The following DHRS7B variants were observed in gnomAD, a reference collection of about 807,000 sequenced individuals.
DHRS7B encodes dehydrogenase/reductase 7B, also known as peroxisomal reductase activating PPAR-gamma.
In DHRS7B, 24 loss-of-function variants were observed where a neutral mutation model predicts 26.4. The ratio of observed to expected loss-of-function variants is 0.91; its 90% CI spans 0.66 to 1.28. The LOEUF (loss-of-function observed/expected upper bound fraction) is 1.28. Ranked by LOEUF, DHRS7B falls within the 50% of genes most tolerant of loss-of-function variation. The pLI, the probability that DHRS7B is intolerant of heterozygous loss-of-function variation, is 0.00. For missense variants in DHRS7B, 368 were observed against 419.4 expected, an observed-to-expected ratio of 0.88 and a Z score of 1.07; for synonymous variants, 142 against 166.4, an observed-to-expected ratio of 0.85 and a Z score of 1.13.
chr17:21,162,153 T>G (rs1264181066), intron 1 of DHRS7B, among the ~76,000 whole-genome samples: 1 of 151,950 alleles, frequency 6.6e-6, no homozygotes, highest in Non-Finnish European at 1.5e-5. Context: ...GACAGGAATT[T>G]GTTAGAATTC....
chr17:21,149,689 T>C (rs996769231), intron 1 of DHRS7B, among the ~76,000 whole-genome samples: 1 of 152,136 alleles, frequency 6.6e-6, no homozygotes, highest in Non-Finnish European at 1.5e-5. Context: ...TTAAGATAAG[T>C]TGTCATCTCT....
Position 21,132,348 on chromosome 17 carries a change from A to AAATATAT in DHRS7B, c.20+5358_20+5359insATATATA, listed in dbSNP as rs1491147235. Among the ~76,000 whole-genome samples, 865 of 124,974 alleles carry AAATATAT rather than the reference A, an allele frequency of 6.9e-3. 12 individuals carry two copies. Among genetic ancestry groups the AAATATAT allele is most frequent in the African/African-American group, 0.024 (807 of 34,246 alleles). The allele number at this position is 124,974 out of a possible 152,430, so 82.0% of individuals were successfully genotyped here. On this transcript the variant is annotated intron_variant, in intron 1 of 6. Transcript: ENST00000395511. The stretch of plus-strand genomic sequence containing the variant: ...AGACCCCATCTCTTAAAAAAAAAAA[A>AAATATAT]ATATATATATATATAGATAGATAGA...
At chr17:21,148,931 T>A (rs143161657) in intron 1 of DHRS7B, among the ~76,000 whole-genome samples, 2 of 152,222 alleles carry the variant, frequency 1.3e-5, no homozygotes, top group East Asian at 3.9e-4. Context: ...CAGAAAACTT[T>A]ACACAACTTA....
chr17:21,136,114 C>T (rs1973334338), intron 1 of DHRS7B, among the ~76,000 whole-genome samples: 1 of 152,044 alleles, frequency 6.6e-6, no homozygotes, highest in Admixed American at 6.6e-5. Context: ...GCCTGGCCAA[C>T]ATGGTGAAAC....
At position 21,181,981 on chromosome 17, in the gene DHRS7B, C is replaced by T. The variant is rs893019813; in HGVS notation, c.310-1613C>T. On this transcript the variant is annotated intron_variant, in intron 3 of 6. Coordinates refer to ENST00000395511, the MANE Select transcript of DHRS7B (RefSeq NM_015510.5). Reference sequence around the variant, plus strand: ...CACTTCCAGTACAATGTTGAGTAGCCGTTGTGAAAGCAGGCGTCCTTGTCT... The same window carrying T: ...CACTTCCAGTACAATGTTGAGTAGCTGTTGTGAAAGCAGGCGTCCTTGTCT... Among the ~76,000 whole-genome samples the T allele has an allele frequency of 1.3e-4, 20 of 152,272 alleles. 1 individual carries two copies. Among genetic ancestry groups the T allele is most frequent in the Middle Eastern group, 3.4e-3 (1 of 294 alleles).
rs35189205 is a variant in DHRS7B at position 21,164,030 on chromosome 17, C to CTTTTTTTTTTTTTTTTTT, written c.21-7972_21-7971insTTTTTTTTTTTTTTTTTT. Among the ~76,000 whole-genome samples the CTTTTTTTTTTTTTTTTTT allele has an allele frequency of 1.1e-3, 105 of 96,932 alleles. 15 individuals are homozygous for CTTTTTTTTTTTTTTTTTT. Among genetic ancestry groups the CTTTTTTTTTTTTTTTTTT allele is most frequent in the African/African-American group, 1.4e-3 (27 of 19,762 alleles). The allele number at this position is 96,932 out of a possible 152,430, so 63.6% of individuals were successfully genotyped here. A position where few individuals can be genotyped will look rare whatever the true frequency, so the allele number is the denominator to read the frequency against. On this transcript the variant is annotated intron_variant, in intron 1 of 6. Transcript: ENST00000395511. ...AGTGCAGATATTGTCAATTGTTGTG[C>CTTTTTTTTTTTTTTTTTT]TTTTTTTTTTTTTTTTGAGACAGGG...
At chr17:21,140,022 C>CGTTTTTTT in intron 1 of DHRS7B, among the ~76,000 whole-genome samples, 1 of 106,702 alleles carries the variant, frequency 9.4e-6, no homozygotes, top group Non-Finnish European at 1.8e-5. Flanking sequence ...CTTTCAGATT[C>CGTTTTTTT]TTTTTTTTTT....
intron 1 of DHRS7B, among the ~76,000 whole-genome samples, chr17:21,165,267 G>A (rs1974086335): frequency 6.6e-6 from 1 of 152,040 alleles, no homozygotes; most frequent in African/African-American, 2.4e-5. Context: ...GGGTGCGGGG[G>A]GCCTGGGGCT....
intron 1 of DHRS7B, among the ~76,000 whole-genome samples, chr17:21,156,121 C>T (rs1436812140): frequency 1.3e-5 from 2 of 151,854 alleles, no homozygotes; most frequent in Non-Finnish European, 2.9e-5. Flanking sequence ...GAGCAGAAAC[C>T]AATGAAATTG....
intron 3 of DHRS7B, among the ~76,000 whole-genome samples, chr17:21,179,442 G>A (rs2144180718): frequency 6.6e-6 from 1 of 152,128 alleles, no homozygotes; most frequent in East Asian, 1.9e-4. Context: ...CTACCAAAAA[G>A]TACAAAACTT....
intron 2 of DHRS7B, 198 bp downstream of exon 2, chr17:21,172,394 C>A: frequency 2.7e-6 from 1 of 367,914 alleles, no homozygotes; most frequent in Non-Finnish European, 4.7e-6. Flanking sequence ...AATGACTCAG[C>A]GTCAGGGTGG....
intron 1 of DHRS7B, among the ~76,000 whole-genome samples, chr17:21,149,383 A>T (rs1973711054): frequency 6.6e-6 from 1 of 152,238 alleles, no homozygotes; most frequent in Admixed American, 6.5e-5. Context: ...ACAGAAAGAA[A>T]ACACTCATGG....
chr17:21,145,430 C>T (rs1356440213), intron 1 of DHRS7B, among the ~76,000 whole-genome samples: 1 of 152,036 alleles, frequency 6.6e-6, no homozygotes. Context: ...CATTTAAATG[C>T]AGGTTTATGG....
In DHRS7B at chr17:21,191,287, C is replaced by A; in HGVS notation, c.*134C>A. On this transcript the variant is annotated 3_prime_UTR_variant, in exon 7 of 7. Transcript: ENST00000395511. ...TGGGAAAGACTGAAGAAACACATCT[C>A]GTGCAGATCTGCTGGCAGAGGACAA... 1.1e-6 allele frequency: 1 copy of A among 896,612 alleles called. No homozygotes were observed. The highest frequency in any genetic ancestry group is 1.7e-6 in the Non-Finnish European group (1 of 589,068). The allele number at this position is 896,612 out of a possible 1,614,324, so 55.5% of individuals were successfully genotyped here. A position where few individuals can be genotyped will look rare whatever the true frequency, so the allele number is the denominator to read the frequency against.
At chr17:21,183,228 A>G (rs1455425808) in intron 3 of DHRS7B, among the ~76,000 whole-genome samples, 1 of 151,760 alleles carries the variant, frequency 6.6e-6, no homozygotes, top group Non-Finnish European at 1.5e-5. Flanking sequence ...AATTTTTTTT[A>G]TCATCTCATC....
intron 1 of DHRS7B, among the ~76,000 whole-genome samples, chr17:21,138,685 C>T (rs1973422276): frequency 6.6e-6 from 1 of 151,918 alleles, no homozygotes; most frequent in Non-Finnish European, 1.5e-5. Flanking sequence ...TTTTCTGGTT[C>T]CTTTTACCTT....
At position 21,127,004 on chromosome 17, in the gene DHRS7B, G is replaced by C. The variant is rs1448068620; in HGVS notation, c.20+13G>C. On this transcript the variant is annotated intron_variant, in intron 1 of 6. Transcript: ENST00000395511. Reference sequence around the variant, plus strand: ...CTCCGGCTACCAGGTAGGGGCTGGGGAAGAAGGAACCTCCGAGATGAGGCG... The same window carrying C: ...CTCCGGCTACCAGGTAGGGGCTGGGCAAGAAGGAACCTCCGAGATGAGGCG... 25 of 1,517,338 alleles carry C rather than the reference G, an allele frequency of 1.6e-5. No homozygotes were observed. The South Asian group carries it at 3.1e-4, about 19-fold the overall frequency. The allele number at this position is 1,517,338 out of a possible 1,614,324, so 94.0% of individuals were successfully genotyped here.
At chr17:21,178,036 C>G (rs1322280228) in intron 2 of DHRS7B, among the ~76,000 whole-genome samples, 197 bp from the exon 3 acceptor site, 1 of 152,274 alleles carries the variant, frequency 6.6e-6, no homozygotes, top group Non-Finnish European at 1.5e-5. Flanking sequence ...CCTCCTTTCT[C>G]TTTGCCCTGT....
intron 3 of DHRS7B, among the ~76,000 whole-genome samples, chr17:21,179,381 C>G (rs751705095): frequency 6.6e-6 from 1 of 152,152 alleles, no homozygotes; most frequent in African/African-American, 2.4e-5. Flanking sequence ...TGGATGATCA[C>G]TTGAGGCCAG....
Sources: allele counts gnomAD v4.1 joint callset (sites outside exome capture counted in the v4.1 genomes callset), GRCh38; gene constraint gnomAD v4.1.1; transcripts MANE v1.5; gene names NCBI Gene and HGNC (gene_info 2026-07-23, HGNC 2026-07-21).